RREB1: variants seen among roughly 807,000 people sequenced by gnomAD.
RREB1 encodes the protein ras-responsive element-binding protein 1.
In RREB1, 27 loss-of-function variants were observed where a neutral mutation model predicts 117.8. The ratio of observed to expected loss-of-function variants is 0.23; its 90% confidence interval spans 0.17 to 0.32. The LOEUF (loss-of-function observed/expected upper bound fraction) is 0.32. Among genes scored for constraint, RREB1 ranks in the 10% least tolerant of loss-of-function variants. The probability of loss-of-function intolerance (pLI) is 1.00; values close to 1 mark genes in which losing one functional copy is unlikely to be tolerated. For synonymous variants in RREB1, 1,298 were observed against 1,026.7 expected (o/e 1.26, Z -5.05); for missense variants, 2,577 against 2,378.2 (o/e 1.08, Z -1.74).
chr6:7,178,464 A>G (rs550060635), intron 2 of RREB1, among the ~76,000 whole-genome samples: 1 of 152,184 alleles, frequency 6.6e-6, no homozygotes, highest in African/African-American at 2.4e-5. Flanking sequence ...AAGAGCCCGC[A>G]TGTTATGGTG....
At chr6:7,198,289 A>G (rs1414065509) in intron 6 of RREB1, among the ~76,000 whole-genome samples, 1 of 152,210 alleles carries the variant, frequency 6.6e-6, no homozygotes, top group Non-Finnish European at 1.5e-5. Flanking sequence ...AAGTATCAGG[A>G]CAGTTCACAT....
intron 11 of RREB1, among the ~76,000 whole-genome samples, chr6:7,244,677 G>A (rs1482268800): frequency 6.6e-6 from 1 of 152,152 alleles, no homozygotes; most frequent in Non-Finnish European, 1.5e-5. Flanking sequence ...AACCTCTTGA[G>A]ATACCCAAAC....
chr6:7,113,896 A>T (rs891359749), intron 1 of RREB1, among the ~76,000 whole-genome samples: 21 of 152,196 alleles, frequency 1.4e-4, no homozygotes, highest in African/African-American at 4.6e-4. Flanking sequence ...TGTTGTAAGG[A>T]TAAAGTAGAT....
At chr6:7,112,991 T>G (rs532463882) in intron 1 of RREB1, among the ~76,000 whole-genome samples, 16 of 152,284 alleles carry the variant, frequency 1.1e-4, no homozygotes, top group African/African-American at 3.6e-4. Flanking sequence ...TCAAGGGTAC[T>G]GAAGTTAGCC....
rs1171264345 is a variant in RREB1 at position 7,175,731 on chromosome 6, C to G, written c.-284-924C>G. Among the ~76,000 whole-genome samples, 3 of 152,288 alleles carry G rather than the reference C, an allele frequency of 2.0e-5. No individual in the cohort carries two copies. In the East Asian group the frequency reaches 5.8e-4, roughly 29 times the overall value. On this transcript the variant is annotated intron_variant, in intron 1 of 12. Coordinates refer to ENST00000379938, the MANE Select transcript of RREB1 (RefSeq NM_001003699.4). Reference sequence around the variant, plus strand: ...CAGGGCTTTGAAGCCCTTGACACCCCAGAGCAGACTTGCTCAAACTTTTGA... The same window carrying G: ...CAGGGCTTTGAAGCCCTTGACACCCGAGAGCAGACTTGCTCAAACTTTTGA...
rs538571421 is a variant in RREB1, at chr6:7,251,952, G to A, written c.*2984G>A. 5 of 152,186 alleles carry A rather than the reference G, an allele frequency of 3.3e-5. No individual in the cohort carries two copies. The highest frequency in any genetic ancestry group is 1.2e-4 in the African/African-American group (5 of 41,436). 9.4% of individuals were successfully genotyped at this position (152,186 alleles called of 1,614,324 possible). A position where few individuals can be genotyped will look rare whatever the true frequency, so the allele number is the denominator to read the frequency against. Reference sequence around the variant, plus strand: ...AGCTGTTCTGTATCAAACCATTTAAGCAATAAATGTTATATTTTAAAAGCT... The same window carrying A: ...AGCTGTTCTGTATCAAACCATTTAAACAATAAATGTTATATTTTAAAAGCT... On this transcript the variant is annotated 3_prime_UTR_variant, in exon 13 of 13. Transcript: ENST00000379938.
intron 6 of RREB1, among the ~76,000 whole-genome samples, chr6:7,206,267 A>C (rs188235144): frequency 6.6e-6 from 1 of 152,310 alleles, no homozygotes; most frequent in Admixed American, 6.5e-5. Context: ...TCATTGTTGG[A>C]GTGTTTTCGA....
Position 7,230,057 on chromosome 6 carries a change from C to G in RREB1, c.1958C>G (p.Ala653Gly). The G allele has an allele frequency of 6.2e-7, 1 of 1,608,004 alleles. No individual in the cohort carries two copies. The highest frequency in any genetic ancestry group is 1.3e-5 in the African/African-American group (1 of 74,786). The change falls in exon 10 of 13, where the codon GCC (alanine) becomes GGC (glycine). Residue 653 changes from alanine (A) to glycine (G), a missense_variant. By Grantham distance (60) the Ala-to-Gly change is moderately conservative. Coordinates refer to ENST00000379938, the MANE Select transcript of RREB1 (RefSeq NM_001003699.4). ...YPCRFCNQVF[A>G]FSGVLRAHVR... The stretch of plus-strand genomic sequence containing the variant: ...TGCCGCTTCTGCAACCAGGTGTTTG[C>G]CTTCTCGGGGGTCTTGCGTGCCCAC...
intron 6 of RREB1, among the ~76,000 whole-genome samples, chr6:7,197,439 C>G (rs774830529): frequency 6.6e-6 from 1 of 152,168 alleles, no homozygotes; most frequent in Non-Finnish European, 1.5e-5. Flanking sequence ...TGGGCCAGTA[C>G]TTTGGGAGGC....
intron 1 of RREB1, among the ~76,000 whole-genome samples, chr6:7,147,230 G>A (rs571432334): frequency 2.6e-5 from 4 of 152,330 alleles, no homozygotes; most frequent in South Asian, 2.1e-4. Context: ...CCACTTGGCC[G>A]AGCTGGGTCT....
intron 1 of RREB1, among the ~76,000 whole-genome samples, chr6:7,147,608 C>A (rs1459789571): frequency 1.3e-5 from 2 of 152,166 alleles, no homozygotes; most frequent in African/African-American, 4.8e-5. Flanking sequence ...ACCATCCATC[C>A]CGTGTCCTAA....
intron 1 of RREB1, among the ~76,000 whole-genome samples, chr6:7,140,250 T>C (rs1402009434): frequency 6.6e-6 from 1 of 152,176 alleles, no homozygotes; most frequent in Non-Finnish European, 1.5e-5. Flanking sequence ...TTTTTTTCTT[T>C]CAATTAAAAA....
At chr6:7,143,924 C>T (rs1277244638) in intron 1 of RREB1, among the ~76,000 whole-genome samples, 1 of 99,564 alleles carries the variant, frequency 1.0e-5, no homozygotes, top group African/African-American at 3.9e-5. Context: ...ACTAGAATTT[C>T]TTTGACCCAA....
intron 1 of RREB1, among the ~76,000 whole-genome samples, chr6:7,166,032 G>A (rs547879768): frequency 1.3e-5 from 2 of 152,178 alleles, no homozygotes; most frequent in East Asian, 1.9e-4. Context: ...TTCAGGCCCC[G>A]CTGGGCCGTG....
In RREB1 at chr6:7,211,626, T is replaced by C; in HGVS notation, c.624T>C (p.Phe208=). The part of the protein sequence containing the change: ...GDLEKKADEV[F]HCPVCFKEFV... Reference sequence around the variant, plus strand: ...TGGAGAAGAAAGCTGATGAAGTCTTTCACTGCCCAGTATGTTTCAAGGAGT... The same window carrying C: ...TGGAGAAGAAAGCTGATGAAGTCTTCCACTGCCCAGTATGTTTCAAGGAGT... Residue 208 remains phenylalanine, a synonymous_variant, in exon 8 of 13, where the codon TTT becomes TTC. Coordinates refer to ENST00000379938, the MANE Select transcript of RREB1 (RefSeq NM_001003699.4). The C allele has an allele frequency of 1.9e-6, 3 of 1,614,078 alleles. No homozygotes were observed. Among genetic ancestry groups the C allele is most frequent in the South Asian group, 1.1e-5 (1 of 91,086 alleles).
intron 6 of RREB1, among the ~76,000 whole-genome samples, chr6:7,196,718 AT>A (rs969798099): frequency 6.6e-6 from 1 of 152,120 alleles, no homozygotes; most frequent in Non-Finnish European, 1.5e-5. Flanking sequence ...TACTTATATT[AT>A]TTTAATTTAT....
chr6:7,135,332 C>T (rs1391847772), intron 1 of RREB1, among the ~76,000 whole-genome samples: 2 of 152,110 alleles, frequency 1.3e-5, no homozygotes, highest in East Asian at 3.8e-4. Flanking sequence ...TTGGAAAGTA[C>T]CATATAAAGG....
chr6:7,189,143 C>G lies in RREB1; in HGVS notation c.262-16C>G. 1.1e-5 allele frequency: 18 copies of G among 1,609,038 alleles called. No homozygotes were observed. The highest frequency in any genetic ancestry group is 1.5e-5 in the Non-Finnish European group (18 of 1,178,190). On this transcript the variant is annotated splice_polypyrimidine_tract_variant and intron_variant, in intron 5 of 12. Transcript: ENST00000379938. ...GCACTTTCTTAAGTGACCGCTGTGACCATTGCTTTCTGCAGCACAACACAG... is the reference window on the plus strand; with the variant it reads ...GCACTTTCTTAAGTGACCGCTGTGAGCATTGCTTTCTGCAGCACAACACAG...
intron 7 of RREB1, 102 bp downstream of exon 7, chr6:7,211,050 C>A: frequency 8.5e-7 from 1 of 1,175,110 alleles, no homozygotes; most frequent in Non-Finnish European, 1.2e-6. Context: ...AGACATACAT[C>A]CTAAGCTCTT....
Sources: gnomAD v4.1 joint callset for allele counts (sites outside exome capture counted in the v4.1 genomes callset) on GRCh38, gnomAD v4.1.1 for gene constraint, MANE v1.5 for transcripts, NCBI Gene and HGNC (gene_info 2026-07-23, HGNC 2026-07-21) for gene names.